Variants in USP6NL observed in about 807,000 individuals in gnomAD.
USP6NL encodes USP6 N-terminal-like protein.
USP6NL carries 26 observed loss-of-function variants against 61.9 expected under a neutral mutation model. The observed-to-expected ratio is 0.42, with a 90% confidence interval of 0.31 to 0.58. The LOEUF (loss-of-function observed/expected upper bound fraction) is 0.58, where lower values mean the gene tolerates loss of function less well. Among genes scored for constraint, USP6NL ranks in the 20% least tolerant of loss-of-function variants. USP6NL has a pLI of 0.16. For synonymous variants in USP6NL, 432 were observed against 390.1 expected (o/e 1.11, Z -1.27); for missense variants, 1,114 against 1,034.3 (o/e 1.08, Z -1.06).
rs1835491355 is a variant in USP6NL at position 11,528,092 on chromosome 10, A to C, written c.5-525T>G. The stretch of plus-strand genomic sequence containing the variant: ...TCTCCTAACCGGTCTCTAGGACTCC[A>C]GTTTTATCATACATATGTGTGTGGA... On this transcript the variant is annotated intron_variant, in intron 2 of 14. Coordinates refer to ENST00000609104, the MANE Select transcript of USP6NL (RefSeq NM_014688.5). The surrounding 1 kb of genome is among the most constrained non-coding windows in gnomAD (Gnocchi z 4.6). Among the ~76,000 whole-genome samples, 1 of 151,616 alleles carries C rather than the reference A, an allele frequency of 6.6e-6. No individual in the cohort carries two copies. The highest frequency in any genetic ancestry group is 2.4e-5 in the African/African-American group (1 of 41,242).
At chr10:11,594,160 T>C (rs567360257) in intron 2 of USP6NL, among the ~76,000 whole-genome samples, 1 of 152,278 alleles carries the variant, frequency 6.6e-6, no homozygotes, top group South Asian at 2.1e-4. Context: ...TTGGAAGACT[T>C]ACAACCCCCT....
At chr10:11,479,234 T>A (rs948353779) in intron 14 of USP6NL, among the ~76,000 whole-genome samples, 1 of 152,146 alleles carries the variant, frequency 6.6e-6, no homozygotes, top group African/African-American at 2.4e-5. Context: ...GAAAGCTGTA[T>A]GGAAGGTGTC....
intron 2 of USP6NL, chr10:11,573,317 C>T (rs1837427573): frequency 4.2e-6 from 1 of 237,482 alleles, no homozygotes; most frequent in African/African-American, 2.2e-5. Flanking sequence ...ATACATAATG[C>T]AAGAGGATCT....
rs1029870281 is a variant in USP6NL at position 11,540,158 on chromosome 10, T to C, written c.5-12591A>G. On this transcript the variant is annotated intron_variant, in intron 2 of 14. Coordinates refer to ENST00000609104, the MANE Select transcript of USP6NL (RefSeq NM_014688.5). The surrounding 1 kb of genome is among the most constrained non-coding windows in gnomAD (Gnocchi z 5.0). ...AATTCTAACAGCTGTACTTTCTGGA[T>C]TCTAGTAGCCCTCCAATCTCATTAC... is the stretch of plus-strand genomic sequence containing the variant. 6.6e-6 allele frequency among the ~76,000 whole-genome samples: 1 copy of C among 152,246 alleles called. No homozygotes were observed. Among genetic ancestry groups the C allele is most frequent in the African/African-American group, 2.4e-5 (1 of 41,472 alleles).
rs1838079428 is a variant in USP6NL, at chr10:11,589,250, T to TTA, written c.4+8379_4+8380dup. 6.6e-6 allele frequency among the ~76,000 whole-genome samples: 1 copy of TTA among 152,338 alleles called. No individual in the cohort carries two copies. The highest frequency in any genetic ancestry group is 1.9e-4 in the East Asian group (1 of 5,190). The stretch of plus-strand genomic sequence containing the variant: ...CATTATAGTGGTCTGAATTAACCAC[T>TTA]TAGCATGTAAATTTCTGTTATATTA... On this transcript the variant is annotated intron_variant, in intron 2 of 14. Coordinates refer to ENST00000609104, the MANE Select transcript of USP6NL (RefSeq NM_014688.5). The surrounding 1 kb of genome is among the most constrained non-coding windows in gnomAD (Gnocchi z 4.7).
rs1369241327 is a variant in USP6NL, at chr10:11,525,054, A to T, written c.155+332T>A. On this transcript the variant is annotated intron_variant, in intron 4 of 14. Transcript: ENST00000609104. The surrounding 1 kb of genome is among the most constrained non-coding windows in gnomAD (Gnocchi z 5.0). The stretch of plus-strand genomic sequence containing the variant: ...AAAGTTCGAATTGCTATTTATTTTT[A>T]AAATGCGCTGGTACAGAATGAAATG... 2.0e-4 allele frequency among the ~76,000 whole-genome samples: 31 copies of T among 152,210 alleles called. No individual in the cohort carries two copies. The highest frequency in any genetic ancestry group is 1.9e-3 in the Admixed American group (29 of 15,282).
rs555227616 is a variant in USP6NL at position 11,523,310 on chromosome 10, C to T, written c.155+2076G>A. Among the ~76,000 whole-genome samples, 73 of 152,340 alleles carry T rather than the reference C, an allele frequency of 4.8e-4. 1 individual carries two copies. In the South Asian group the frequency reaches 0.015, roughly 30 times the overall value. Reference sequence around the variant, plus strand: ...GAGTCAGAGAGACTGGATGCTTTCACTGGGGAATGTCTTCCCACCCAACTA... The same window carrying T: ...GAGTCAGAGAGACTGGATGCTTTCATTGGGGAATGTCTTCCCACCCAACTA... On this transcript the variant is annotated intron_variant, in intron 4 of 14. Transcript: ENST00000609104.
intron 2 of USP6NL, among the ~76,000 whole-genome samples, chr10:11,530,303 C>G (rs11257156): frequency 6.6e-6 from 1 of 151,908 alleles, no homozygotes; most frequent in Admixed American, 6.6e-5. Context: ...CACAAGTATA[C>G]TTCCAACATA....
chr10:11,578,331 T>C (rs1249410976), intron 2 of USP6NL, among the ~76,000 whole-genome samples: 1 of 152,228 alleles, frequency 6.6e-6, no homozygotes, highest in Admixed American at 6.5e-5. Context: ...AATCCATTTT[T>C]CTTGTTTTAC....
At chr10:11,486,215 G>C (rs1433154971) in intron 10 of USP6NL, among the ~76,000 whole-genome samples, 1 of 147,250 alleles carries the variant, frequency 6.8e-6, no homozygotes, top group Non-Finnish European at 1.5e-5. Flanking sequence ...GTTCTTTTAA[G>C]ATATTGGGCC....
intron 2 of USP6NL, among the ~76,000 whole-genome samples, chr10:11,536,865 C>A (rs1835855804): frequency 6.6e-6 from 1 of 152,196 alleles, no homozygotes; most frequent in South Asian, 2.1e-4. Context: ...TTAGAAAAAT[C>A]ATTTGGCTTC....
chr10:11,507,653 T>C (rs1434612637), intron 6 of USP6NL, among the ~76,000 whole-genome samples: 3 of 152,228 alleles, frequency 2.0e-5, no homozygotes, highest in African/African-American at 7.2e-5. Flanking sequence ...AAAGACTAAA[T>C]AATCCTACAG....
intron 2 of USP6NL, among the ~76,000 whole-genome samples, chr10:11,584,198 A>G (rs1273300338): frequency 6.6e-6 from 1 of 152,236 alleles, no homozygotes; most frequent in Admixed American, 6.5e-5. Flanking sequence ...TGGGTGACAG[A>G]GCAAGACCCT....
rs866673587 is a variant in USP6NL at position 11,585,817 on chromosome 10, T to C, written c.4+11814A>G. ...AAAGGAAGGTGATTCTGACCCATGC[T>C]ACAATATGGATGGACCTTAAATACA... On this transcript the variant is annotated intron_variant, in intron 2 of 14. Transcript: ENST00000609104. This position sits in a 1 kb window ranked among gnomAD's most constrained non-coding sequence, Gnocchi z 4.5. Among the ~76,000 whole-genome samples the C allele has an allele frequency of 6.6e-6, 1 of 152,208 alleles. No homozygotes were observed. Among genetic ancestry groups the C allele is most frequent in the Non-Finnish European group, 1.5e-5 (1 of 68,018 alleles).
rs968794189 is a variant in USP6NL, at chr10:11,549,836, C to G, written c.5-22269G>C. Among the ~76,000 whole-genome samples, 4 of 152,112 alleles carry G rather than the reference C, an allele frequency of 2.6e-5. No homozygotes were observed. The East Asian group carries it at 7.7e-4, about 29-fold the overall frequency. On this transcript the variant is annotated intron_variant, in intron 2 of 14. Transcript: ENST00000609104. ...TACTTCTTTATTAGTTAGAATTAGC[C>G]CTGAAAGGCAGTTCCCTTCTTTATT...
At chr10:11,464,467 G>A (rs1832359963) in intron 14 of USP6NL, among the ~76,000 whole-genome samples, 1 of 152,162 alleles carries the variant, frequency 6.6e-6, no homozygotes, top group Non-Finnish European at 1.5e-5. Context: ...GATGGAAAAT[G>A]GAGGCAGAAA....
At chr10:11,498,719 T>G (rs117134618) in intron 7 of USP6NL, among the ~76,000 whole-genome samples, 1 of 152,088 alleles carries the variant, frequency 6.6e-6, no homozygotes, top group African/African-American at 2.4e-5. Context: ...CAGATCCAAA[T>G]TGGAGGAGAT....
At position 11,509,638 on chromosome 10, in the gene USP6NL, A is replaced by G. The variant is rs1370717635; in HGVS notation, c.233T>C (p.Leu78Pro). 1 of 1,568,626 alleles carries G rather than the reference A, an allele frequency of 6.4e-7. No homozygotes were observed. Among genetic ancestry groups the G allele is most frequent in the Non-Finnish European group, 8.7e-7 (1 of 1,155,516 alleles). The part of the protein sequence containing the change: ...HLEIERTTKW[L>P]KMLKGWEKYK... Reference sequence around the variant, plus strand: ...TTTTTCCCATCCTTTCAGCATTTTCAGCCATTTGGTAGTTCTTTCAATTTC... The same window carrying G: ...TTTTTCCCATCCTTTCAGCATTTTCGGCCATTTGGTAGTTCTTTCAATTTC... The change falls in exon 6 of 15, where the codon CTG (leucine) becomes CCG (proline). Residue 78 changes from leucine to proline, a missense_variant. Transcript: ENST00000609104.
At position 11,585,161 on chromosome 10, in the gene USP6NL, G is replaced by C. The variant is rs117889742; in HGVS notation, c.4+12470C>G. Among the ~76,000 whole-genome samples the C allele has an allele frequency of 3.8e-3, 571 of 152,242 alleles. 3 individuals carry two copies. The highest frequency in any genetic ancestry group is 0.017 in the Middle Eastern group (5 of 294). ...TGAAAAAGTTATCTTGTCTAACAAG[G>C]AAATAGCACCTCACTAGGATGGCTA... On this transcript the variant is annotated intron_variant, in intron 2 of 14. Transcript: ENST00000609104. This position sits in a 1 kb window ranked among gnomAD's most constrained non-coding sequence, Gnocchi z 4.5.
Sources: gnomAD v4.1 joint callset for allele counts (sites outside exome capture counted in the v4.1 genomes callset) on GRCh38, gnomAD v4.1.1 for gene constraint, Gnocchi (gnomAD v3.1) non-coding constraint, MANE v1.5 for transcripts, NCBI Gene and HGNC (gene_info 2026-07-23, HGNC 2026-07-21) for gene names.